Variants in FSD1L observed in about 807,000 individuals in gnomAD.
FSD1L encodes FSD1-like protein.
FSD1L carries 45 observed loss-of-function variants against 71.6 expected under a neutral mutation model. That is an observed-to-expected ratio of 0.63 (90% CI 0.49 to 0.81). The LOEUF (loss-of-function observed/expected upper bound fraction) is 0.81, where lower values mean the gene tolerates loss of function less well. Ranked by LOEUF, FSD1L falls within the 30% of genes least tolerant of loss-of-function variation. The pLI, the probability that FSD1L is intolerant of heterozygous loss-of-function variation, is 0.00. For missense variants in FSD1L, 561 were observed against 618.1 expected, an observed-to-expected ratio of 0.91 and a Z score of 0.98; for synonymous variants, 197 against 207.2, an observed-to-expected ratio of 0.95 and a Z score of 0.42.
chr9:105,477,132 A>G (rs1244786575), intron 5 of FSD1L, among the ~76,000 whole-genome samples: 7 of 152,318 alleles, frequency 4.6e-5, no homozygotes, highest in East Asian at 1.9e-4. Context: ...AAAAATTTTT[A>G]CCTTATTAAA....
chr9:105,484,363 T>C lies in FSD1L; in HGVS notation c.465-18T>C, dbSNP rs1832399752. On this transcript the variant is annotated intron_variant, in intron 6 of 13. Transcript: ENST00000481272. ...TCCTATTTCTTTATTTTAAAAAGTATGTTTGTGTTTACCGTAGAGTCACAA... is the reference window on the plus strand; with the variant it reads ...TCCTATTTCTTTATTTTAAAAAGTACGTTTGTGTTTACCGTAGAGTCACAA... 1 of 1,460,100 alleles carries C rather than the reference T, an allele frequency of 6.8e-7. No individual in the cohort carries two copies. The highest frequency in any genetic ancestry group is 9.0e-7 in the Non-Finnish European group (1 of 1,109,286). 90.4% of individuals were successfully genotyped at this position (1,460,100 alleles called of 1,614,324 possible).
intron 10 of FSD1L, 74 bp downstream of exon 10, chr9:105,513,010 T>G (rs1373680988): frequency 1.0e-5 from 13 of 1,286,594 alleles, no homozygotes; most frequent in Non-Finnish European, 1.3e-5. Context: ...TAACTTTTAT[T>G]GAAATTCTTA....
intron 1 of FSD1L, among the ~76,000 whole-genome samples, chr9:105,456,176 C>G (rs1392353882): frequency 2.0e-5 from 3 of 152,172 alleles, no homozygotes; most frequent in Non-Finnish European, 4.4e-5. Context: ...TCATGAACCT[C>G]TGATCTCTGT....
At chr9:105,535,404 A>G (rs1264790940) in intron 12 of FSD1L, 86 bp downstream of exon 12, 5 of 1,379,138 alleles carry the variant, frequency 3.6e-6, no homozygotes, top group Admixed American at 2.1e-5. Context: ...CAGGATTTCC[A>G]TTAGTATTGT....
chr9:105,464,312 A>T lies in FSD1L; in HGVS notation c.188A>T (p.His63Leu). Residue 63 changes from histidine (H) to leucine (L), a missense_variant, in exon 3 of 14, where the codon CAT becomes CTT. Physicochemically the swap from His to Leu is moderately conservative, Grantham distance 99 (BLOSUM62 -3). Coordinates refer to ENST00000481272, the MANE Select transcript of FSD1L (RefSeq NM_001145313.3). ...EIQNFIDTLHHTLKGVQENSS... is the reference protein window; with the variant it reads ...EIQNFIDTLHLTLKGVQENSS... ...CAGAACTTTATTGATACACTACATC[A>T]TACACTAAAAGGAGTTCAGGTATGA... 6.7e-7 allele frequency: 1 copy of T among 1,499,480 alleles called. No individual in the cohort carries two copies. The highest frequency in any genetic ancestry group is 1.3e-5 in the South Asian group (1 of 78,862). 92.9% of individuals were successfully genotyped at this position (1,499,480 alleles called of 1,614,324 possible).
At position 105,550,133 on chromosome 9, in the gene FSD1L, G is replaced by A. The variant is rs1239486440; in HGVS notation, c.*3650G>A. 1 of 151,988 alleles carries A rather than the reference G, an allele frequency of 6.6e-6. No individual in the cohort carries two copies. Among genetic ancestry groups the A allele is most frequent in the African/African-American group, 2.4e-5 (1 of 41,430 alleles). 9.4% of individuals were successfully genotyped at this position (151,988 alleles called of 1,614,324 possible). A position where few individuals can be genotyped will look rare whatever the true frequency, so the allele number is the denominator to read the frequency against. ...ATGTACATTAACCAAAACCAGTGAA[G>A]TTTGATGGACTGTGCATAGAGTTTT... is the stretch of plus-strand genomic sequence containing the variant. On this transcript the variant is annotated 3_prime_UTR_variant, in exon 14 of 14. Coordinates refer to ENST00000481272, the MANE Select transcript of FSD1L (RefSeq NM_001145313.3).
At chr9:105,533,416 C>CTTTTTCTTTTTTTTTTTTTTTT in intron 10 of FSD1L, among the ~76,000 whole-genome samples, 1 of 29,070 alleles carries the variant, frequency 3.4e-5, no homozygotes, top group Non-Finnish European at 6.0e-5. Context: ...CCATTTCCAT[C>CTTTTTCTTTTTTTTTTTTTTTT]TTTTTTTTTT....
At chr9:105,443,672 C>T (rs764735210), upstream of FSD1L, among the ~76,000 whole-genome samples, 77 of 152,216 alleles carry the variant, frequency 5.1e-4, no homozygotes, top group Non-Finnish European at 3.8e-4. Context: ...TGGCTCATGC[C>T]TATATTCCCA....
At chr9:105,502,799 C>T (rs540034912) in intron 7 of FSD1L, among the ~76,000 whole-genome samples, 12 of 152,036 alleles carry the variant, frequency 7.9e-5, no homozygotes, top group African/African-American at 2.9e-4. Flanking sequence ...TTAGGATTTC[C>T]CTTTTTGGTA....
At chr9:105,480,304 T>C (rs1266749005) in intron 6 of FSD1L, among the ~76,000 whole-genome samples, 3 of 151,826 alleles carry the variant, frequency 2.0e-5, no homozygotes, top group Admixed American at 2.0e-4. Context: ...CTTTTTTTTT[T>C]TTTTTTGAGG....
Position 105,539,309 on chromosome 9 carries a change from CT to C in FSD1L, c.1428del (p.Phe476LeufsTer22). 1.3e-6 allele frequency: 2 copies of C among 1,508,536 alleles called. No homozygotes were observed. The highest frequency in any genetic ancestry group is 1.8e-6 in the Non-Finnish European group (2 of 1,119,596). 93.4% of individuals were successfully genotyped at this position (1,508,536 alleles called of 1,614,324 possible). On this transcript the variant is annotated frameshift_variant, in exon 13 of 14. Coordinates refer to ENST00000481272, the MANE Select transcript of FSD1L (RefSeq NM_001145313.3). LOFTEE classifies it high-confidence loss of function. Reference sequence around the variant, plus strand: ...CAAATTCTAAACAGTTGCTATATTCCTTTAAGACAAAATTTACTCAGCCAGT... The same window carrying C: ...CAAATTCTAAACAGTTGCTATATTCCTTAAGACAAAATTTACTCAGCCAGT... ...DANSKQLLYS[F>X]KTKFTQPVLP...
chr9:105,491,091 T>A (rs1274558451), intron 7 of FSD1L, among the ~76,000 whole-genome samples: 1 of 152,184 alleles, frequency 6.6e-6, no homozygotes, highest in Non-Finnish European at 1.5e-5. Context: ...GTAAATTACC[T>A]TGGGCAGTAT....
intron 7 of FSD1L, 77 bp downstream of exon 7, chr9:105,484,579 GT>G: frequency 1.1e-6 from 1 of 937,814 alleles, no homozygotes; most frequent in Non-Finnish European, 1.5e-6. Context: ...GTGAACATTG[GT>G]TTGTAAATAT....
In FSD1L at chr9:105,515,756, C is replaced by T. The variant is rs200120226; in HGVS notation, c.1025+2820C>T. On this transcript the variant is annotated intron_variant, in intron 10 of 13. Coordinates refer to ENST00000481272, the MANE Select transcript of FSD1L (RefSeq NM_001145313.3). ...GGTTTCAGGCACAAAACTGGGTGGCCGTTTAGGCAGACACCAAACTAGCTG... is the reference window on the plus strand; with the variant it reads ...GGTTTCAGGCACAAAACTGGGTGGCTGTTTAGGCAGACACCAAACTAGCTG... Among the ~76,000 whole-genome samples, 23 of 151,838 alleles carry T rather than the reference C, an allele frequency of 1.5e-4. No individual in the cohort carries two copies. The East Asian group carries it at 3.9e-3, about 26-fold the overall frequency.
At chr9:105,469,847 C>T (rs546519579) in intron 4 of FSD1L, among the ~76,000 whole-genome samples, 1 of 152,042 alleles carries the variant, frequency 6.6e-6, no homozygotes, top group Non-Finnish European at 1.5e-5. Context: ...TTGACAAATA[C>T]AGTGTTATGA....
chr9:105,506,377 T>C, intron 7 of FSD1L, 22 bp from the exon 8 acceptor site: 3 of 1,389,502 alleles, frequency 2.2e-6, no homozygotes, highest in Non-Finnish European at 2.9e-6. Context: ...GAATGAGTCT[T>C]TTTTTTTTTT....
At chr9:105,520,537 C>T (rs1192364054) in intron 10 of FSD1L, 2 of 1,218,326 alleles carry the variant, frequency 1.6e-6, no homozygotes, top group East Asian at 4.7e-5. Context: ...TTTACAACTT[C>T]TTCCAGAAAG....
chr9:105,449,659 C>A (rs1829866740), intron 1 of FSD1L, among the ~76,000 whole-genome samples: 1 of 152,208 alleles, frequency 6.6e-6, no homozygotes, highest in Admixed American at 6.5e-5. Context: ...TCTGAAAACA[C>A]AGCATTTTAA....
At chr9:105,544,252 C>T (rs1236390291) in intron 13 of FSD1L, among the ~76,000 whole-genome samples, 1 of 152,156 alleles carries the variant, frequency 6.6e-6, no homozygotes, top group Non-Finnish European at 1.5e-5. Context: ...CTGTCCATAT[C>T]CTTTGCCCAC....
Sources: gnomAD v4.1 joint callset for allele counts (sites outside exome capture counted in the v4.1 genomes callset) on GRCh38, gnomAD v4.1.1 for gene constraint, MANE v1.5 for transcripts, NCBI Gene and HGNC (gene_info 2026-07-23, HGNC 2026-07-21) for gene names.